VPS13D: variants seen among roughly 807,000 people sequenced by gnomAD.
VPS13D encodes vacuolar protein sorting 13 homolog D.
Under a neutral mutation model 461.9 loss-of-function variants are expected in VPS13D, and 187 were observed. The observed-to-expected ratio is 0.40, with a 90% CI of 0.36 to 0.46. The LOEUF is 0.46. Among genes scored for constraint, VPS13D ranks in the 20% least tolerant of loss-of-function variants. VPS13D has a pLI of 0.60. For synonymous variants in VPS13D, 1,951 were observed against 1,986.3 expected (o/e 0.98, Z 0.47); for missense variants, 4,711 against 5,364.9 (o/e 0.88, Z 3.81).
Position 12,403,911 on chromosome 1 carries a change from A to G in VPS13D, c.11968A>G (p.Ile3990Val), listed in dbSNP as rs1557759427. The stretch of plus-strand genomic sequence containing the variant: ...TCGATACTACTTTGAAAATCTCAAA[A>G]TCAGCATTCCTCAGATCAAGCTAAG... ...PIRYYFENLK[I>V]SIPQIKLSVF... The change falls in exon 63 of 70, where the codon ATC becomes GTC. Residue 3990 changes from isoleucine to valine, a missense_variant. Transcript: ENST00000620676. 1.2e-6 allele frequency: 2 copies of G among 1,613,746 alleles called. No homozygotes were observed. Among genetic ancestry groups the G allele is most frequent in the Non-Finnish European group, 1.7e-6 (2 of 1,179,926 alleles).
At chr1:12,357,682 C>T (rs1325793673) in intron 49 of VPS13D, among the ~76,000 whole-genome samples, 2 of 152,202 alleles carry the variant, frequency 1.3e-5, no homozygotes, top group Non-Finnish European at 2.9e-5. Context: ...CATGACAGGA[C>T]ACTGGCCCAC....
chr1:12,260,657 GTTTT>G (rs1641078982), intron 10 of VPS13D, 32 bp from the exon 11 acceptor site: 4 of 1,591,668 alleles, frequency 2.5e-6, no homozygotes, highest in Non-Finnish European at 3.4e-6. Flanking sequence ...CAACGTTTGT[GTTTT>G]TGTTTATTTG....
At chr1:12,371,919 T>C (rs1321830855) in intron 54 of VPS13D, among the ~76,000 whole-genome samples, 1 of 152,214 alleles carries the variant, frequency 6.6e-6, no homozygotes, top group Non-Finnish European at 1.5e-5. Context: ...TCTATTATAA[T>C]TCTAAGTTTA....
intron 1 of VPS13D, among the ~76,000 whole-genome samples, 186 bp downstream of exon 1, chr1:12,230,306 T>C (rs1639919543): frequency 6.6e-6 from 1 of 151,970 alleles, no homozygotes; most frequent in African/African-American, 2.4e-5. Context: ...GGGGTAACCC[T>C]GGGCGTCTGC....
intron 46 of VPS13D, among the ~76,000 whole-genome samples, chr1:12,350,910 A>C (rs1174002054): frequency 6.6e-6 from 1 of 152,202 alleles, no homozygotes; most frequent in Non-Finnish European, 1.5e-5. Flanking sequence ...AGGAGGTAAG[A>C]ACAATTTTAT....
At chr1:12,397,665 A>G (rs1003800913) in intron 60 of VPS13D, among the ~76,000 whole-genome samples, 1 of 152,246 alleles carries the variant, frequency 6.6e-6, no homozygotes, top group Non-Finnish European at 1.5e-5. Context: ...AAGTCTGCCA[A>G]TAAATATGCA....
intron 68 of VPS13D, among the ~76,000 whole-genome samples, chr1:12,503,248 C>G (rs375099305): frequency 6.6e-5 from 10 of 152,156 alleles, no homozygotes; most frequent in African/African-American, 2.4e-4. Context: ...GGTGCTGCAG[C>G]CTTCCCTTCT....
At chr1:12,271,229 C>G (rs998620962) in intron 17 of VPS13D, 105 bp downstream of exon 17, 2 of 1,386,348 alleles carry the variant, frequency 1.4e-6, no homozygotes, top group Middle Eastern at 1.8e-4. Flanking sequence ...ATCAATTATG[C>G]TGACTGAGTA....
At chr1:12,333,140 G>T in intron 37 of VPS13D, 86 bp from the exon 38 acceptor site, 1 of 1,490,320 alleles carries the variant, frequency 6.7e-7, no homozygotes, top group Non-Finnish European at 9.0e-7. Context: ...GCTCGAGTTT[G>T]TCCTTGCTGA....
At chr1:12,254,980 C>A (rs962582891) in intron 7 of VPS13D, among the ~76,000 whole-genome samples, 1 of 151,136 alleles carries the variant, frequency 6.6e-6, no homozygotes, top group Admixed American at 6.6e-5. Context: ...GCATCTCGCT[C>A]GGTTGCCCGG....
intron 52 of VPS13D, among the ~76,000 whole-genome samples, chr1:12,368,198 C>T (rs1030292970): frequency 7.9e-5 from 12 of 152,190 alleles, no homozygotes; most frequent in South Asian, 4.1e-4. Context: ...CATACATACA[C>T]GTACATTACA....
intron 60 of VPS13D, among the ~76,000 whole-genome samples, chr1:12,396,838 C>T (rs994414401): frequency 6.6e-6 from 1 of 152,200 alleles, no homozygotes; most frequent in African/African-American, 2.4e-5. Context: ...TCCTTGTCCT[C>T]CTTTTTTCGA....
Position 12,276,020 on chromosome 1 carries a change from C to G in VPS13D, c.2432C>G (p.Thr811Arg), listed in dbSNP as rs781418573. Reference sequence around the variant, plus strand: ...CAGCTTCAAGCACATTTAATGAGCACAAAGATGTATGAGAGGTACTCGCTG... The same window carrying G: ...CAGCTTCAAGCACATTTAATGAGCAGAAAGATGTATGAGAGGTACTCGCTG... ...EEQLQAHLMS[T>R]KMYERYSLSF... The change falls in exon 19 of 70, where the codon ACA (threonine) becomes AGA (arginine). Residue 811 changes from threonine (T) to arginine (R), a missense_variant. Thr to Arg is a moderately conservative substitution (Grantham distance 71). Transcript: ENST00000620676. The surrounding 1 kb of genome is among the most constrained non-coding windows in gnomAD (Gnocchi z 4.5). The G allele has an allele frequency of 1.2e-6, 2 of 1,613,934 alleles. No homozygotes were observed. Among genetic ancestry groups the G allele is most frequent in the Non-Finnish European group, 1.7e-6 (2 of 1,180,012 alleles).
At chr1:12,400,702 C>T (rs1644563346) in intron 61 of VPS13D, among the ~76,000 whole-genome samples, 1 of 152,144 alleles carries the variant, frequency 6.6e-6, no homozygotes, top group Non-Finnish European at 1.5e-5. Flanking sequence ...CCTGTAATCT[C>T]AGCACTTTGG....
rs753789483 is a variant in VPS13D at position 12,304,610 on chromosome 1, G to T, written c.6321G>T (p.Thr2107=). 1.9e-6 allele frequency: 3 copies of T among 1,613,986 alleles called. No individual in the cohort carries two copies. Among genetic ancestry groups the T allele is most frequent in the African/African-American group, 2.7e-5 (2 of 74,880 alleles). The change falls in exon 26 of 70, where the codon ACG becomes ACT. Residue 2107 remains threonine, a synonymous_variant. Coordinates refer to ENST00000620676, the MANE Select transcript of VPS13D (RefSeq NM_015378.4). ...GAACCCATTCCCAGGGGCAGTTCAC[G>T]ATGCCTCTTGCTGGAATGAGCCTAG... ...PRGTHSQGQF[T]MPLAGMSLGS...
chr1:12,258,956 G>A (rs1202925269), intron 10 of VPS13D, among the ~76,000 whole-genome samples: 2 of 152,126 alleles, frequency 1.3e-5, no homozygotes, highest in African/African-American at 4.8e-5. Flanking sequence ...TATCATCAGT[G>A]TCAGACATGG....
At position 12,476,580 on chromosome 1, in the gene VPS13D, A is replaced by G. The variant is rs576351906; in HGVS notation, c.12662+16184A>G. Among the ~76,000 whole-genome samples, 20 of 152,354 alleles carry G rather than the reference A, an allele frequency of 1.3e-4. No individual in the cohort carries two copies. The South Asian group carries it at 3.9e-3, about 30-fold the overall frequency. ...CTAAAGACTTAATTGAACCCTGAAC[A>G]TGTATATGAATAACTGGAGACAGAT... On this transcript the variant is annotated intron_variant, in intron 67 of 69. Coordinates refer to ENST00000620676, the MANE Select transcript of VPS13D (RefSeq NM_015378.4).
At chr1:12,371,958 C>T (rs1644124749) in intron 54 of VPS13D, among the ~76,000 whole-genome samples, 1 of 152,160 alleles carries the variant, frequency 6.6e-6, no homozygotes, top group South Asian at 2.1e-4. Flanking sequence ...ATACTGTTTT[C>T]CACAGTGGCT....
chr1:12,241,204 A>G (rs1295331404), intron 2 of VPS13D, among the ~76,000 whole-genome samples: 1 of 152,146 alleles, frequency 6.6e-6, no homozygotes, highest in Non-Finnish European at 1.5e-5. Flanking sequence ...CAGCCTCCCA[A>G]AGTGCTGGGA....
Sources: allele counts gnomAD v4.1 joint callset (sites outside exome capture counted in the v4.1 genomes callset), GRCh38; gene constraint gnomAD v4.1.1; non-coding constraint Gnocchi (gnomAD v3.1); transcripts MANE v1.5; gene names NCBI Gene and HGNC (gene_info 2026-07-23, HGNC 2026-07-21).